CPN2: variants seen among roughly 807,000 people sequenced by gnomAD.
The protein encoded by CPN2 is carboxypeptidase N subunit 2, also known as carboxypeptidase N 83 kDa chain.
For missense variants in CPN2, 620 were observed against 671.4 expected (o/e 0.92, Z 0.85); for synonymous variants, 336 against 318.4 (o/e 1.06, Z -0.59).
rs373278468 is a variant in CPN2, at chr3:194,341,326, C to T, written c.1377G>A (p.Pro459=). 57 of 1,613,714 alleles carry T rather than the reference C, an allele frequency of 3.5e-5. No individual in the cohort carries two copies. Among genetic ancestry groups the T allele is most frequent in the Admixed American group, 1.3e-4 (8 of 60,010 alleles). Residue 459 remains proline, a synonymous_variant, in exon 2 of 2, where the codon CCG becomes CCA. Transcript: ENST00000323830. ...AGCTGCCCCCTGCCTTGCTTTCGTC[C>T]GGCCACGTGACCTGGAAGCCCAAGT... ...RDHLGFQVTW[P]DESKAGGSWD...
In CPN2 at chr3:194,340,188, TG is replaced by T. The variant is rs1347542474; in HGVS notation, c.*876del. On this transcript the variant is annotated 3_prime_UTR_variant, in exon 2 of 2. Transcript: ENST00000323830. ...TTCTTATCGACTTAAAAGGGGTGCCTGGCTCTTAGTTGATGATCTCCTGGAC... is the reference window on the plus strand; with the variant it reads ...TTCTTATCGACTTAAAAGGGGTGCCTGCTCTTAGTTGATGATCTCCTGGAC... The T allele has an allele frequency of 6.6e-6, 1 of 152,160 alleles. No homozygotes were observed. The highest frequency in any genetic ancestry group is 1.5e-5 in the Non-Finnish European group (1 of 68,048). 9.4% of individuals were successfully genotyped at this position (152,160 alleles called of 1,614,324 possible).
intron 1 of CPN2, among the ~76,000 whole-genome samples, chr3:194,345,611 C>A (rs1713015417): frequency 6.6e-6 from 1 of 152,256 alleles, no homozygotes; most frequent in Non-Finnish European, 1.5e-5. Context: ...GAGTGATGGA[C>A]CAGACAACGC....
At position 194,341,061 on chromosome 3, in the gene CPN2, G is replaced by A. The variant is rs1302844196; in HGVS notation, c.*4C>T. On this transcript the variant is annotated 3_prime_UTR_variant, in exon 2 of 2. Coordinates refer to ENST00000323830, the MANE Select transcript of CPN2 (RefSeq NM_001080513.4). ...CCCTTCCCCAGCTCCTGTATGCGCT[G>A]CTACTAGGGCCCTGCTGCCCGAGCC... 6.3e-7 allele frequency: 1 copy of A among 1,589,942 alleles called. No homozygotes were observed. Among genetic ancestry groups the A allele is most frequent in the African/African-American group, 1.3e-5 (1 of 74,580 alleles).
At chr3:194,348,815 C>T (rs1383657974) in intron 1 of CPN2, among the ~76,000 whole-genome samples, 1 of 151,746 alleles carries the variant, frequency 6.6e-6, no homozygotes, top group African/African-American at 2.4e-5. Flanking sequence ...CGGCTTGAGA[C>T]TGGGAGGTCG....
intron 1 of CPN2, among the ~76,000 whole-genome samples, chr3:194,350,768 T>A (rs1239314836): frequency 6.6e-6 from 1 of 151,916 alleles, no homozygotes; most frequent in East Asian, 1.9e-4. Flanking sequence ...AGTGGGAGGA[T>A]CGCTTGAAGC....
intron 1 of CPN2, among the ~76,000 whole-genome samples, chr3:194,346,043 G>A (rs1383632042): frequency 2.0e-5 from 3 of 152,342 alleles, no homozygotes; most frequent in African/African-American, 7.2e-5. Flanking sequence ...TCCCTGATGT[G>A]GGGGTTTGGC....
chr3:194,345,278 G>C (rs76694653), intron 1 of CPN2, among the ~76,000 whole-genome samples: 5,770 of 152,286 alleles, frequency 0.038, 239 homozygotes, highest in African/African-American at 0.11. Context: ...CAGCCAGGCT[G>C]CCAGAGCTGC....
intron 1 of CPN2, among the ~76,000 whole-genome samples, chr3:194,349,722 C>A (rs184823917): frequency 6.7e-6 from 1 of 149,162 alleles, no homozygotes; most frequent in East Asian, 2.0e-4. Flanking sequence ...TATACCCACC[C>A]TCCCAGTCCA....
Position 194,341,235 on chromosome 3 carries a change from C to A in CPN2, c.1468G>T (p.Val490Leu), listed in dbSNP as rs1167500208. The change falls in exon 2 of 2, where the codon GTG (valine) becomes TTG (leucine). Residue 490 changes from valine (V) to leucine (L), a missense_variant. Transcript: ENST00000323830. ...TGGGCCTGGTCACAGGCGAGCACCA[C>A]GGTGCCCTCGGGGTTGCTGTAGGTG... is the stretch of plus-strand genomic sequence containing the variant. ...QCTYSNPEGT[V>L]VLACDQAQCR... 6.2e-7 allele frequency: 1 copy of A among 1,613,578 alleles called. No individual in the cohort carries two copies. Among genetic ancestry groups the A allele is most frequent in the Non-Finnish European group, 8.5e-7 (1 of 1,180,032 alleles).
intron 1 of CPN2, among the ~76,000 whole-genome samples, chr3:194,343,343 C>G (rs985131302): frequency 6.6e-6 from 1 of 152,182 alleles, no homozygotes; most frequent in African/African-American, 2.4e-5. Flanking sequence ...AACAGATTTT[C>G]TAGCATGTAC....
In CPN2 at chr3:194,341,193, C is replaced by A; in HGVS notation, c.1510G>T (p.Val504Phe). 1 of 1,613,450 alleles carries A rather than the reference C, an allele frequency of 6.2e-7. No homozygotes were observed. Among genetic ancestry groups the A allele is most frequent in the South Asian group, 1.1e-5 (1 of 91,072 alleles). ...CDQAQCRWLN[V>F]QLSPQQGSLG... Reference sequence around the variant, plus strand: ...GAGCCCTGCTGAGGAGAGAGCTGGACGTTCAGCCAGCGACACTGGGCCTGG... The same window carrying A: ...GAGCCCTGCTGAGGAGAGAGCTGGAAGTTCAGCCAGCGACACTGGGCCTGG... The change falls in exon 2 of 2, where the codon GTC becomes TTC. Residue 504 changes from valine (V) to phenylalanine (F), a missense_variant. By Grantham distance (50) the Val-to-Phe change is conservative (BLOSUM62 -1). Coordinates refer to ENST00000323830, the MANE Select transcript of CPN2 (RefSeq NM_001080513.4).
chr3:194,343,223 G>A (rs1463666123), intron 1 of CPN2, among the ~76,000 whole-genome samples: 2 of 152,082 alleles, frequency 1.3e-5, no homozygotes, highest in African/African-American at 4.8e-5. Context: ...GATTTCCAAC[G>A]TCATGTGGAC....
At chr3:194,347,095 C>T (rs759751113) in intron 1 of CPN2, among the ~76,000 whole-genome samples, 2 of 152,164 alleles carry the variant, frequency 1.3e-5, no homozygotes, top group African/African-American at 4.8e-5. Flanking sequence ...AGTGGGGTGG[C>T]AGCCAGAGGT....
chr3:194,347,798 GCTGCCCAGTTCAGCCCACCCCATCCT>G (rs1713106433), intron 1 of CPN2, among the ~76,000 whole-genome samples: 1 of 24,074 alleles, frequency 4.2e-5, no homozygotes, highest in African/African-American at 1.9e-4. Flanking sequence ...CACCCCATCC[GCTGCCCAGTTCAGCCCACCCCATCCT>G]CTGCCCAGTT....
rs1712732014 is a variant in CPN2, at chr3:194,339,930, C to T, written c.*1135G>A. ...ATCAATCAAATACATTTAAGAAATACATTGGTTGAGTTCAGAAAGGCAGGA... is the reference window on the plus strand; with the variant it reads ...ATCAATCAAATACATTTAAGAAATATATTGGTTGAGTTCAGAAAGGCAGGA... On this transcript the variant is annotated 3_prime_UTR_variant, in exon 2 of 2. Coordinates refer to ENST00000323830, the MANE Select transcript of CPN2 (RefSeq NM_001080513.4). 1 of 152,198 alleles carries T rather than the reference C, an allele frequency of 6.6e-6. No individual in the cohort carries two copies. Among genetic ancestry groups the T allele is most frequent in the South Asian group, 2.1e-4 (1 of 4,822 alleles). The allele number at this position is 152,198 out of a possible 1,614,324, so 9.4% of individuals were successfully genotyped here.
intron 1 of CPN2, among the ~76,000 whole-genome samples, chr3:194,350,526 A>T (rs1278423013): frequency 6.6e-6 from 1 of 152,110 alleles, no homozygotes; most frequent in Non-Finnish European, 1.5e-5. Flanking sequence ...TCAAATTAGC[A>T]CTCCATTGGA....
At chr3:194,348,572 T>C (rs1713144132) in intron 1 of CPN2, among the ~76,000 whole-genome samples, 1 of 152,148 alleles carries the variant, frequency 6.6e-6, no homozygotes, top group African/African-American at 2.4e-5. Context: ...TCGGATGTAA[T>C]GGAAACCCTC....
chr3:194,341,121 T>C lies in CPN2; in HGVS notation c.1582A>G (p.Ser528Gly), dbSNP rs145817846. The C allele has an allele frequency of 9.9e-5, 160 of 1,612,320 alleles. 1 individual carries two copies. The African/African-American group carries it at 1.7e-3, about 17-fold the overall frequency. ...NASQEWDLRS[S>G]CGSLRLTVSI... is the part of the protein sequence containing the mutation. ...ACGGTGAGCCGCAGAGAACCGCAGC[T>C]CGACCTCAGGTCCCACTCCTGACTA... The change falls in exon 2 of 2, where the codon AGC becomes GGC. Residue 528 changes from serine to glycine, a missense_variant. Ser to Gly is a moderately conservative substitution (Grantham distance 56). Transcript: ENST00000323830.
chr3:194,343,339 TTTTC>T (rs1278353999), intron 1 of CPN2, among the ~76,000 whole-genome samples: 5 of 152,248 alleles, frequency 3.3e-5, no homozygotes, highest in Non-Finnish European at 7.3e-5. Flanking sequence ...AAAAAACAGA[TTTTC>T]TAGCATGTAC....
Sources: allele counts gnomAD v4.1 joint callset (sites outside exome capture counted in the v4.1 genomes callset), GRCh38; gene constraint gnomAD v4.1.1; transcripts MANE v1.5; gene names NCBI Gene and HGNC (gene_info 2026-07-23, HGNC 2026-07-21).